Variants in TBL1X observed in about 807,000 individuals in gnomAD.
The protein encoded by TBL1X is transducin beta like 1 X-linked, also known as F-box-like/WD repeat-containing protein TBL1X.
In TBL1X, 10 loss-of-function variants were observed where a neutral mutation model predicts 50.7. That is an observed-to-expected ratio of 0.20 (90% CI 0.12 to 0.33). The LOEUF is 0.33. TBL1X is among the 10% of genes least tolerant of loss of function. The probability of loss-of-function intolerance (pLI) is 1.00; values close to 1 mark genes in which losing one functional copy is unlikely to be tolerated. For missense variants in TBL1X, 340 were observed against 504.4 expected (o/e 0.67, Z 3.12); for synonymous variants, 190 against 214.7 (o/e 0.88, Z 1.01).
chrX:9,547,183 T>C (rs2082248705), intron 2 of TBL1X, among the ~76,000 whole-genome samples: 2 of 111,577 alleles, frequency 1.8e-5, no homozygotes, highest in Admixed American at 1.9e-4. Context: ...AGATACACAA[T>C]GTTGCCCTAA....
At chrX:9,673,873 C>T (rs1444095313) in intron 5 of TBL1X, among the ~76,000 whole-genome samples, 4 of 111,465 alleles carry the variant, frequency 3.6e-5, no homozygotes, top group African/African-American at 6.5e-5. Context: ...TTGAGACCAG[C>T]CTGTCCAACA....
At chrX:9,711,037 G>A (rs1263586272) in intron 15 of TBL1X, among the ~76,000 whole-genome samples, 1 of 111,728 alleles carries the variant, frequency 9.0e-6, no homozygotes, top group African/African-American at 3.3e-5. Context: ...TACCATTTAC[G>A]TCTATAGGAA....
At chrX:9,558,395 T>C (rs2082310104) in intron 2 of TBL1X, among the ~76,000 whole-genome samples, 1 of 110,552 alleles carries the variant, frequency 9.0e-6, no homozygotes, top group South Asian at 3.8e-4. Flanking sequence ...TGCACACCTG[T>C]AATCCCAGCT....
intron 2 of TBL1X, among the ~76,000 whole-genome samples, chrX:9,595,986 C>A (rs1381302149): frequency 8.9e-6 from 1 of 112,586 alleles, no homozygotes. Context: ...ATAAGGAGAG[C>A]TAAAAATCAA....
At chrX:9,698,590 G>A (rs775324857) in intron 12 of TBL1X, among the ~76,000 whole-genome samples, 5 of 111,705 alleles carry the variant, frequency 4.5e-5, no homozygotes, top group Non-Finnish European at 7.5e-5. Flanking sequence ...GGGGTTGGCC[G>A]TGTAAGCACC....
chrX:9,577,870 T>A (rs73188207), intron 2 of TBL1X, among the ~76,000 whole-genome samples: 7,628 of 112,204 alleles, frequency 0.068, 216 homozygotes, highest in Middle Eastern at 0.11. Context: ...CCAGTTTGTA[T>A]TAAGTGTAAG....
intron 7 of TBL1X, among the ~76,000 whole-genome samples, chrX:9,690,395 T>C (rs993578748): frequency 5.4e-5 from 6 of 111,709 alleles, no homozygotes; most frequent in Non-Finnish European, 9.4e-5. Flanking sequence ...CTCCTTGGCT[T>C]GTAGAGACTG....
At position 9,688,014 on chromosome X, in the gene TBL1X, C is replaced by T. The variant is rs1158587912; in HGVS notation, c.358-3C>T. ...ACAGCTGTACCTTGGCTTGCTTCCC[C>T]AGGATGGCACAGTGTTCGACGGCCG... On this transcript the variant is annotated splice_polypyrimidine_tract_variant and splice_region_variant and intron_variant, in intron 6 of 17. Transcript: ENST00000645353. The T allele has an allele frequency of 8.3e-7, 1 of 1,200,554 alleles. No homozygotes were observed. The highest frequency in any genetic ancestry group is 2.2e-5 in the Admixed American group (1 of 45,018).
intron 2 of TBL1X, among the ~76,000 whole-genome samples, chrX:9,537,064 A>T (rs2082191859): frequency 8.9e-6 from 1 of 111,829 alleles, no homozygotes; most frequent in African/African-American, 3.3e-5. Flanking sequence ...AAGACCTCTC[A>T]TGTAATCATT....
chrX:9,509,116 G>A (rs1476749103), intron 2 of TBL1X, among the ~76,000 whole-genome samples: 51 of 107,876 alleles, frequency 4.7e-4, no homozygotes, highest in African/African-American at 1.6e-3. Flanking sequence ...AGCCGGGTGC[G>A]GTGGCTCACA....
chrX:9,624,601 G>A (rs2082683058), intron 2 of TBL1X, among the ~76,000 whole-genome samples: 1 of 111,890 alleles, frequency 8.9e-6, no homozygotes, highest in South Asian at 3.7e-4. Context: ...TATTTTTCTT[G>A]TATTTGGGTT....
intron 6 of TBL1X, among the ~76,000 whole-genome samples, 188 bp from the exon 7 acceptor site, chrX:9,687,829 C>A (rs2083069575): frequency 9.0e-6 from 1 of 111,087 alleles, no homozygotes; most frequent in Admixed American, 9.5e-5. Flanking sequence ...TGTCCCCTTC[C>A]CTGCCCACCG....
chrX:9,684,652 T>C (rs893363647), intron 6 of TBL1X, among the ~76,000 whole-genome samples: 15 of 107,746 alleles, frequency 1.4e-4, no homozygotes, highest in Non-Finnish European at 2.9e-4. Context: ...TCTTTTCCAC[T>C]TTGTGTTAAT....
chrX:9,487,354 C>G (rs2081918858), intron 1 of TBL1X, among the ~76,000 whole-genome samples: 1 of 111,489 alleles, frequency 9.0e-6, no homozygotes, highest in South Asian at 3.8e-4. Context: ...GTTTCTGCCT[C>G]TATGGATTTA....
intron 2 of TBL1X, among the ~76,000 whole-genome samples, chrX:9,632,359 C>T (rs1296964236): frequency 1.8e-5 from 2 of 111,859 alleles, no homozygotes; most frequent in East Asian, 5.6e-4. Flanking sequence ...TAGCTTACCG[C>T]AACCTCCGCC....
intron 7 of TBL1X, among the ~76,000 whole-genome samples, chrX:9,690,328 G>A (rs1417955946): frequency 1.8e-5 from 2 of 112,180 alleles, no homozygotes; most frequent in Non-Finnish European, 3.8e-5. Context: ...CACAGTTCTG[G>A]AGGCTGGAGG....
At chrX:9,575,702 G>C (rs764223030) in intron 2 of TBL1X, among the ~76,000 whole-genome samples, 2 of 112,122 alleles carry the variant, frequency 1.8e-5, no homozygotes, top group South Asian at 7.4e-4. Flanking sequence ...CTTACTACAC[G>C]ATTGGCTAAC....
At chrX:9,491,340 T>A (rs866869996) in intron 1 of TBL1X, among the ~76,000 whole-genome samples, 710 of 25,780 alleles carry the variant, frequency 0.028, 3 homozygotes, top group Admixed American at 0.047. Context: ...ATATATATAT[T>A]TTTTTTTTTT....
intron 1 of TBL1X, among the ~76,000 whole-genome samples, chrX:9,473,835 A>G (rs1385307040): frequency 8.9e-6 from 1 of 112,720 alleles, no homozygotes; most frequent in Non-Finnish European, 1.9e-5. Flanking sequence ...CACTCAGCTC[A>G]TAAGTTCGTG....
Sources: gnomAD v4.1 joint callset for allele counts (sites outside exome capture counted in the v4.1 genomes callset) on GRCh38, gnomAD v4.1.1 for gene constraint, MANE v1.5 for transcripts, NCBI Gene and HGNC (gene_info 2026-07-23, HGNC 2026-07-21) for gene names.